CFAP77: variants seen among roughly 807,000 people sequenced by gnomAD.
CFAP77 encodes the protein cilia and flagella associated protein 77, also known as cilia- and flagella-associated protein 77.
A neutral mutation model predicts 31.1 loss-of-function variants in CFAP77; 25 were observed. The observed-to-expected ratio is 0.80, with a 90% confidence interval of 0.59 to 1.12. The LOEUF is 1.12. Ranked by LOEUF, CFAP77 falls within the 50% of genes most tolerant of loss-of-function variation. CFAP77 has a pLI of 0.00. For missense variants in CFAP77, 377 were observed against 397.3 expected (o/e 0.95, Z 0.44); for synonymous variants, 151 against 159.9 (o/e 0.94, Z 0.42).
At chr9:132,530,483 C>T (rs1205174814) in intron 3 of CFAP77, among the ~76,000 whole-genome samples, 1 of 152,106 alleles carries the variant, frequency 6.6e-6, no homozygotes, top group African/African-American at 2.4e-5. Context: ...CCATGTTGGC[C>T]AGGCTGGTCT....
At chr9:132,566,399 C>G (rs1432988472) in intron 5 of CFAP77, among the ~76,000 whole-genome samples, 1 of 152,232 alleles carries the variant, frequency 6.6e-6, no homozygotes, top group African/African-American at 2.4e-5. Flanking sequence ...TGCCGGCCTC[C>G]TCCGGGCGTT....
At chr9:132,538,814 A>G (rs1025948881) in intron 4 of CFAP77, among the ~76,000 whole-genome samples, 2 of 150,358 alleles carry the variant, frequency 1.3e-5, no homozygotes, top group African/African-American at 2.5e-5. Flanking sequence ...CTGGCTGGGT[A>G]CGGTGGCTCA....
intron 1 of CFAP77, among the ~76,000 whole-genome samples, chr9:132,410,806 G>A (rs1298491479): frequency 5.9e-5 from 9 of 152,234 alleles, no homozygotes; most frequent in Admixed American, 5.9e-4. Flanking sequence ...TGAACCCACA[G>A]GGTGACAGAT....
intron 1 of CFAP77, among the ~76,000 whole-genome samples, chr9:132,476,899 C>G (rs550940675): frequency 6.6e-6 from 1 of 152,146 alleles, no homozygotes; most frequent in South Asian, 2.1e-4. Flanking sequence ...ATTTCTGCTG[C>G]CTTCAGCCAC....
intron 1 of CFAP77, among the ~76,000 whole-genome samples, chr9:132,416,964 C>T (rs1850113415): frequency 6.6e-6 from 1 of 151,670 alleles, no homozygotes; most frequent in African/African-American, 2.4e-5. Context: ...TTTTTTAATG[C>T]CAGCGTTTGT....
chr9:132,568,684 A>G (rs989923822), intron 5 of CFAP77, among the ~76,000 whole-genome samples: 2 of 152,108 alleles, frequency 1.3e-5, no homozygotes, highest in African/African-American at 2.4e-5. Context: ...CAAAAAACCA[A>G]CTGGGCATGA....
chr9:132,535,216 T>C (rs1852523206), intron 3 of CFAP77, among the ~76,000 whole-genome samples: 2 of 152,230 alleles, frequency 1.3e-5, no homozygotes, highest in Non-Finnish European at 2.9e-5. Context: ...TCTACTTCTT[T>C]GATTTTATAT....
intron 3 of CFAP77, among the ~76,000 whole-genome samples, chr9:132,536,198 T>C (rs79367459): frequency 0.018 from 2,778 of 152,126 alleles, 92 homozygotes; most frequent in African/African-American, 0.063. Flanking sequence ...TTAGGGGAGC[T>C]GGGAGTTATT....
intron 1 of CFAP77, among the ~76,000 whole-genome samples, chr9:132,446,689 A>T (rs577826060): frequency 2.0e-5 from 3 of 149,342 alleles, no homozygotes; most frequent in East Asian, 2.0e-4. Flanking sequence ...TGCAGTGAGC[A>T]GAGATCACAC....
At chr9:132,548,009 C>G (rs1040731696) in intron 5 of CFAP77, among the ~76,000 whole-genome samples, 3 of 152,232 alleles carry the variant, frequency 2.0e-5, no homozygotes, top group South Asian at 2.1e-4. Context: ...AGAGTGAGTG[C>G]CCCCAAAAGC....
chr9:132,502,801 G>C (rs1256734643), intron 3 of CFAP77, among the ~76,000 whole-genome samples: 1 of 152,186 alleles, frequency 6.6e-6, no homozygotes, highest in African/African-American at 2.4e-5. Context: ...CTTGCTTTCA[G>C]TTCTTTTGGG....
intron 1 of CFAP77, among the ~76,000 whole-genome samples, chr9:132,438,213 A>AG (rs576219517): frequency 0.023 from 3,437 of 150,552 alleles, 144 homozygotes; most frequent in African/African-American, 0.079. Context: ...AAAAAAAAAA[A>AG]AAAAAAAAGA....
At chr9:132,504,075 A>T (rs376025340) in intron 3 of CFAP77, among the ~76,000 whole-genome samples, 3 of 152,180 alleles carry the variant, frequency 2.0e-5, no homozygotes, top group Admixed American at 6.5e-5. Flanking sequence ...CACAAAGGAC[A>T]CTTGTGATCA....
intron 3 of CFAP77, among the ~76,000 whole-genome samples, chr9:132,505,542 G>A (rs906688340): frequency 1.3e-5 from 2 of 152,050 alleles, no homozygotes; most frequent in Non-Finnish European, 2.9e-5. Context: ...CAGTCCTGGG[G>A]CTGTGGCTAA....
chr9:132,445,848 G>A (rs1479578303), intron 1 of CFAP77, among the ~76,000 whole-genome samples: 12 of 144,572 alleles, frequency 8.3e-5, no homozygotes, highest in African/African-American at 1.0e-4. Context: ...TAGCCTGGGC[G>A]ACAGAGTGAG....
At chr9:132,467,107 G>T (rs189864086) in intron 1 of CFAP77, among the ~76,000 whole-genome samples, 1 of 152,322 alleles carries the variant, frequency 6.6e-6, no homozygotes, top group Admixed American at 6.5e-5. Context: ...GAATCTGGGA[G>T]ATGGAAGTTG....
chr9:132,513,509 G>C lies in CFAP77; in HGVS notation c.524+13909G>C, dbSNP rs1589897964. 1.3e-5 allele frequency: 11 copies of C among 849,936 alleles called. No homozygotes were observed. The East Asian group carries it at 2.8e-4, about 21-fold the overall frequency. The allele number at this position is 849,936 out of a possible 1,614,324, so 52.6% of individuals were successfully genotyped here. On this transcript the variant is annotated intron_variant, in intron 3 of 5. Transcript: ENST00000393216. ...GCATGCTTTCCACCCAGCGTGCCCA[G>C]TTTTGCTCTGTCGTTAGCGATCCAT...
At chr9:132,544,158 C>G (rs547225222) in intron 5 of CFAP77, among the ~76,000 whole-genome samples, 2 of 59,268 alleles carry the variant, frequency 3.4e-5, no homozygotes, top group African/African-American at 8.5e-5. Context: ...CCTGCTCTGC[C>G]CCCCCTTGAC....
chr9:132,568,583 G>A (rs891068837), intron 5 of CFAP77, among the ~76,000 whole-genome samples: 8 of 150,118 alleles, frequency 5.3e-5, no homozygotes, highest in African/African-American at 9.8e-5. Flanking sequence ...AAAATAGTGC[G>A]TATACTATAC....
Sources: gnomAD v4.1 joint callset for allele counts (sites outside exome capture counted in the v4.1 genomes callset) on GRCh38, gnomAD v4.1.1 for gene constraint, MANE v1.5 for transcripts, NCBI Gene and HGNC (gene_info 2026-07-23, HGNC 2026-07-21) for gene names.